RERE: variants seen among roughly 807,000 people sequenced by gnomAD.
The protein encoded by RERE is arginine-glutamic acid dipeptide repeats protein.
Under a neutral mutation model 146.1 loss-of-function variants are expected in RERE, and 40 were observed. The ratio of observed to expected loss-of-function variants is 0.27; its 90% CI spans 0.21 to 0.36. RERE has a LOEUF of 0.36. Ranked by LOEUF, RERE falls within the 10% of genes least tolerant of loss-of-function variation. RERE has a pLI of 1.00. For missense variants in RERE, 1,933 were observed against 2,138.7 expected, an observed-to-expected ratio of 0.90 and a Z score of 1.90; for synonymous variants, 1,003 against 866.0, an observed-to-expected ratio of 1.16 and a Z score of -2.78.
At chr1:8,752,075 ATT>A (rs1640548469) in intron 1 of RERE, among the ~76,000 whole-genome samples, 1 of 152,128 alleles carries the variant, frequency 6.6e-6, no homozygotes, top group African/African-American at 2.4e-5. Context: ...AAGGGCCACT[ATT>A]ATTATCCCCA....
intron 1 of RERE, among the ~76,000 whole-genome samples, chr1:8,700,018 A>G (rs1639412898): frequency 6.6e-6 from 1 of 152,186 alleles, no homozygotes; most frequent in African/African-American, 2.4e-5. Flanking sequence ...TAAAAATGCA[A>G]TGGATAGCCC....
intron 1 of RERE, among the ~76,000 whole-genome samples, chr1:8,804,255 G>A (rs1487591617): frequency 6.6e-6 from 1 of 152,138 alleles, no homozygotes; most frequent in Non-Finnish European, 1.5e-5. Context: ...TCAGAAGGCA[G>A]TTCATCTTGT....
intron 2 of RERE, among the ~76,000 whole-genome samples, chr1:8,653,571 T>G (rs1282682401): frequency 6.6e-6 from 1 of 151,694 alleles, no homozygotes; most frequent in Admixed American, 6.6e-5. Context: ...GGTGGGCGCC[T>G]GTAGTCCCAG....
At chr1:8,611,041 A>C (rs1646787009) in intron 4 of RERE, among the ~76,000 whole-genome samples, 1 of 152,010 alleles carries the variant, frequency 6.6e-6, no homozygotes, top group Admixed American at 6.6e-5. Flanking sequence ...AAAAATACAA[A>C]AAAAATTGCC....
At chr1:8,371,923 T>C (rs1162975834) in intron 12 of RERE, among the ~76,000 whole-genome samples, 1 of 152,230 alleles carries the variant, frequency 6.6e-6, no homozygotes, top group Non-Finnish European at 1.5e-5. Context: ...TGCACAGATG[T>C]GAGCAGGGTC....
chr1:8,601,982 A>G (rs1287172497), intron 4 of RERE, among the ~76,000 whole-genome samples: 1 of 152,260 alleles, frequency 6.6e-6, no homozygotes, highest in Non-Finnish European at 1.5e-5. Flanking sequence ...GCCTCACAAC[A>G]AAAGTGCACC....
At chr1:8,669,185 C>CG (rs1553130818) in intron 1 of RERE, among the ~76,000 whole-genome samples, 1 of 151,422 alleles carries the variant, frequency 6.6e-6, no homozygotes, top group African/African-American at 2.4e-5. Flanking sequence ...CAATACCCCC[C>CG]CCAACTCGGC....
In RERE at chr1:8,470,851, G is replaced by A. The variant is rs1426256886; in HGVS notation, c.1105-4828C>T. On this transcript the variant is annotated intron_variant, in intron 10 of 22. Transcript: ENST00000400908. ...TTTTTTTTTTTTGAGACAGAGTCTCGCTCTGTCACCAGGCTGGAGTGCAGT... is the reference window on the plus strand; with the variant it reads ...TTTTTTTTTTTTGAGACAGAGTCTCACTCTGTCACCAGGCTGGAGTGCAGT... Among the ~76,000 whole-genome samples the A allele has an allele frequency of 2.9e-5, 3 of 101,960 alleles. No individual in the cohort carries two copies. In the Admixed American group the frequency reaches 5.0e-4, roughly 17 times the overall value. The allele number at this position is 101,960 out of a possible 152,430, so 66.9% of individuals were successfully genotyped here.
At chr1:8,784,526 T>C (rs1328818635) in intron 1 of RERE, among the ~76,000 whole-genome samples, 2 of 152,120 alleles carry the variant, frequency 1.3e-5, no homozygotes, top group South Asian at 2.1e-4. Context: ...TGGCAGATAG[T>C]AGCTGTTCAA....
intron 11 of RERE, among the ~76,000 whole-genome samples, chr1:8,447,462 C>A (rs777438701): frequency 6.6e-6 from 1 of 152,086 alleles, no homozygotes; most frequent in Non-Finnish European, 1.5e-5. Context: ...ATGTTGGTGA[C>A]CTTCAGATGG....
At chr1:8,767,962 T>A (rs1205691323) in intron 1 of RERE, among the ~76,000 whole-genome samples, 1 of 151,746 alleles carries the variant, frequency 6.6e-6, no homozygotes, top group South Asian at 2.1e-4. Flanking sequence ...CGAAACTTTG[T>A]CTCCAAATAT....
At chr1:8,446,480 G>A (rs1644321613) in intron 11 of RERE, among the ~76,000 whole-genome samples, 1 of 152,034 alleles carries the variant, frequency 6.6e-6, no homozygotes, top group Non-Finnish European at 1.5e-5. Context: ...TCTTCTCGAG[G>A]AGTATCTTTG....
intron 1 of RERE, among the ~76,000 whole-genome samples, chr1:8,733,188 AGAGTGAGTGTTGG>A (rs757278377): frequency 7.2e-5 from 11 of 152,122 alleles, no homozygotes; most frequent in Non-Finnish European, 5.9e-5. Context: ...AGAGAGAGAG[AGAGTGAGTGTTGG>A]GAGTCACTCC....
chr1:8,442,106 CG>C (rs1222539655), intron 11 of RERE, among the ~76,000 whole-genome samples: 1 of 152,060 alleles, frequency 6.6e-6, no homozygotes, highest in East Asian at 1.9e-4. Context: ...ATGAACTTGT[CG>C]GGCATGGTGG....
rs192735840 is a variant in RERE at position 8,725,235 on chromosome 1, T to C, written c.-144-68794A>G. On this transcript the variant is annotated intron_variant, in intron 1 of 22. Transcript: ENST00000400908. ...ACTCAGTATTTTCTAAAACTCCTGA[T>C]TTATTTCCAAAGGAAAAATAGTTGT... 3.3e-5 allele frequency among the ~76,000 whole-genome samples: 5 copies of C among 152,334 alleles called. No individual in the cohort carries two copies. The East Asian group carries it at 7.7e-4, about 23-fold the overall frequency.
chr1:8,695,519 G>T (rs554809169), intron 1 of RERE, among the ~76,000 whole-genome samples: 18 of 151,162 alleles, frequency 1.2e-4, no homozygotes, highest in Admixed American at 2.6e-4. Flanking sequence ...GGAGGCCCAG[G>T]GGGGCGGATC....
intron 1 of RERE, among the ~76,000 whole-genome samples, chr1:8,670,015 T>G (rs1161316662): frequency 6.6e-6 from 1 of 152,186 alleles, no homozygotes; most frequent in Non-Finnish European, 1.5e-5. Flanking sequence ...TTTTAAACAC[T>G]TAGAATCTCT....
Position 8,485,497 on chromosome 1 carries a change from G to A in RERE, c.1104+9566C>T, listed in dbSNP as rs1644887162. ...AGGCATGAAACAACTAAAGAATACA[G>A]GAGATGTTACCTTAAATACAAAGAA... On this transcript the variant is annotated intron_variant, in intron 10 of 22. Coordinates refer to ENST00000400908, the MANE Select transcript of RERE (RefSeq NM_001042681.2). Among the ~76,000 whole-genome samples the A allele has an allele frequency of 2.0e-5, 3 of 151,838 alleles. No homozygotes were observed. The South Asian group carries it at 6.2e-4, about 32-fold the overall frequency.
chr1:8,570,543 A>G (rs116762458), intron 4 of RERE, among the ~76,000 whole-genome samples: 3,973 of 152,278 alleles, frequency 0.026, 66 homozygotes, highest in Middle Eastern at 0.051. Flanking sequence ...ACAGATTCCC[A>G]TATCTACTTC....
Sources: gnomAD v4.1 joint callset for allele counts (sites outside exome capture counted in the v4.1 genomes callset) on GRCh38, gnomAD v4.1.1 for gene constraint, MANE v1.5 for transcripts, NCBI Gene and HGNC (gene_info 2026-07-23, HGNC 2026-07-21) for gene names.